The following LHFPL6 variants were observed in gnomAD, a reference collection of about 807,000 sequenced individuals.
LHFPL6 encodes LHFPL tetraspan subfamily member 6 protein.
Under a neutral mutation model 20.6 loss-of-function variants are expected in LHFPL6, and 9 were observed. That is an observed-to-expected ratio of 0.44 (90% CI 0.26 to 0.76). The LOEUF is 0.76. Among genes scored for constraint, LHFPL6 ranks in the 30% least tolerant of loss-of-function variants. The pLI, the probability that LHFPL6 is intolerant of heterozygous loss-of-function variation, is 0.20. For synonymous variants in LHFPL6, 105 were observed against 98.7 expected, an observed-to-expected ratio of 1.06 and a Z score of -0.38; for missense variants, 218 against 253.5, an observed-to-expected ratio of 0.86 and a Z score of 0.95.
At chr13:39,502,178 G>A (rs943913194) in intron 2 of LHFPL6, among the ~76,000 whole-genome samples, 2 of 152,196 alleles carry the variant, frequency 1.3e-5, no homozygotes, top group African/African-American at 4.8e-5. Context: ...GGCCTTGCCA[G>A]GAAGGCTCTG....
chr13:39,379,214 T>C (rs1870374420), intron 2 of LHFPL6, among the ~76,000 whole-genome samples: 1 of 152,244 alleles, frequency 6.6e-6, no homozygotes, highest in South Asian at 2.1e-4. Context: ...TAAGTTATCC[T>C]GGCAGCACTC....
intron 2 of LHFPL6, among the ~76,000 whole-genome samples, chr13:39,547,629 G>A (rs1871021481): frequency 6.6e-6 from 1 of 152,084 alleles, no homozygotes; most frequent in Non-Finnish European, 1.5e-5. Context: ...CAGCTCCTGA[G>A]AATTGAGGAT....
chr13:39,373,817 A>G (rs1320886581), intron 3 of LHFPL6, among the ~76,000 whole-genome samples: 3 of 152,206 alleles, frequency 2.0e-5, no homozygotes, highest in African/African-American at 7.2e-5. Context: ...GAAAACCACA[A>G]TGAGAGATAC....
chr13:39,498,042 CA>C (rs1869157966), intron 2 of LHFPL6, among the ~76,000 whole-genome samples: 1 of 152,204 alleles, frequency 6.6e-6, no homozygotes, highest in South Asian at 2.1e-4. Flanking sequence ...GAGTCCCTAT[CA>C]GTCACGAGAT....
intron 2 of LHFPL6, among the ~76,000 whole-genome samples, chr13:39,401,097 A>C (rs896636199): frequency 2.0e-5 from 3 of 152,216 alleles, no homozygotes; most frequent in African/African-American, 7.2e-5. Context: ...GACTATGTTG[A>C]GCGCAACTAC....
At chr13:39,495,472 A>G (rs1040813375) in intron 2 of LHFPL6, among the ~76,000 whole-genome samples, 11 of 152,180 alleles carry the variant, frequency 7.2e-5, no homozygotes. Context: ...TGATCACAAT[A>G]TTTCAGTTAT....
At chr13:39,542,946 C>T (rs142506312) in intron 2 of LHFPL6, among the ~76,000 whole-genome samples, 280 of 152,256 alleles carry the variant, frequency 1.8e-3, no homozygotes, top group African/African-American at 6.5e-3. Context: ...CAACCATCAC[C>T]ACTATCCATT....
At chr13:39,361,946 T>C (rs1293618745) in intron 3 of LHFPL6, among the ~76,000 whole-genome samples, 1 of 152,164 alleles carries the variant, frequency 6.6e-6, no homozygotes, top group Non-Finnish European at 1.5e-5. Flanking sequence ...TAGGGATTGA[T>C]AAACCCAGTG....
chr13:39,539,153 TAC>T (rs1349782191), intron 2 of LHFPL6, among the ~76,000 whole-genome samples: 2 of 152,176 alleles, frequency 1.3e-5, no homozygotes, highest in African/African-American at 4.8e-5. Context: ...TTATGACAAA[TAC>T]AGTCCTTGGC....
intron 2 of LHFPL6, among the ~76,000 whole-genome samples, chr13:39,464,662 A>G (rs1166620420): frequency 6.6e-6 from 1 of 151,138 alleles, no homozygotes; most frequent in East Asian, 1.9e-4. Context: ...GAAAGACTCA[A>G]TGTAGATAAA....
In LHFPL6 at chr13:39,572,288, C is replaced by CTGTGTGTG. The variant is rs3222813; in HGVS notation, c.385+28536_385+28543dup. Among the ~76,000 whole-genome samples the CTGTGTGTG allele has an allele frequency of 3.5e-3, 505 of 143,500 alleles. 2 individuals carry two copies. The highest frequency in any genetic ancestry group is 8.0e-3 in the African/African-American group (310 of 38,992). 94.1% of individuals were successfully genotyped at this position (143,500 alleles called of 152,430 possible). ...GCCGTGGTAGTATATTTTTTAAACT[C>CTGTGTGTG]TGTGTGTGTGTGTGTGTGTGTGTGT... On this transcript the variant is annotated intron_variant, in intron 2 of 3. Transcript: ENST00000379589.
At chr13:39,487,716 T>C (rs1296960059) in intron 2 of LHFPL6, among the ~76,000 whole-genome samples, 1 of 152,144 alleles carries the variant, frequency 6.6e-6, no homozygotes, top group Non-Finnish European at 1.5e-5. Flanking sequence ...TTAAAAGAAA[T>C]ATGTTCTCTA....
chr13:39,568,288 CAG>C (rs1398838101), intron 2 of LHFPL6, among the ~76,000 whole-genome samples: 3 of 142,194 alleles, frequency 2.1e-5, no homozygotes, highest in Admixed American at 1.4e-4. Flanking sequence ...AAAAAAAAAA[CAG>C]AATATGATAT....
intron 2 of LHFPL6, among the ~76,000 whole-genome samples, chr13:39,585,118 G>A (rs539433127): frequency 3.3e-5 from 5 of 152,258 alleles, no homozygotes; most frequent in African/African-American, 9.6e-5. Context: ...ATTACTGAGA[G>A]GGCAAACAGG....
chr13:39,418,486 A>C (rs1465166673), intron 2 of LHFPL6, among the ~76,000 whole-genome samples: 1 of 149,354 alleles, frequency 6.7e-6, no homozygotes, highest in Non-Finnish European at 1.5e-5. Context: ...TAACAGACTT[A>C]TGTACATTTT....
At chr13:39,586,447 C>G (rs1593374944) in intron 2 of LHFPL6, among the ~76,000 whole-genome samples, 3 of 152,238 alleles carry the variant, frequency 2.0e-5, no homozygotes, top group Middle Eastern at 3.4e-3. Flanking sequence ...ATATTTACTA[C>G]TTTAAAAAAT....
At chr13:39,503,859 C>T (rs1869378515) in intron 2 of LHFPL6, among the ~76,000 whole-genome samples, 2 of 152,166 alleles carry the variant, frequency 1.3e-5, no homozygotes, top group African/African-American at 4.8e-5. Context: ...AGATCAATTT[C>T]CCAGAATGTG....
At chr13:39,576,308 A>G (rs2138535236) in intron 2 of LHFPL6, among the ~76,000 whole-genome samples, 1 of 152,316 alleles carries the variant, frequency 6.6e-6, no homozygotes, top group South Asian at 2.1e-4. Context: ...TTAGGTTGGT[A>G]GAGTTTACTG....
intron 2 of LHFPL6, among the ~76,000 whole-genome samples, chr13:39,461,208 G>A (rs75411187): frequency 4.1e-4 from 63 of 152,260 alleles, no homozygotes; most frequent in African/African-American, 1.4e-3. Context: ...TGGTGTATAT[G>A]TACCACACTT....
Sources: allele counts gnomAD v4.1 joint callset (sites outside exome capture counted in the v4.1 genomes callset), GRCh38; gene constraint gnomAD v4.1.1; transcripts MANE v1.5; gene names NCBI Gene and HGNC (gene_info 2026-07-23, HGNC 2026-07-21).